The following PBLD variants were observed in gnomAD, a reference collection of about 807,000 sequenced individuals.
PBLD encodes phenazine biosynthesis-like domain-containing protein.
In PBLD, 26 loss-of-function variants were observed where a neutral mutation model predicts 31.3. The ratio of observed to expected loss-of-function variants is 0.83; its 90% CI spans 0.61 to 1.15. The LOEUF is 1.15. Among genes scored for constraint, PBLD ranks in the 50% most tolerant of loss-of-function variants. The pLI is 0.00. For synonymous variants in PBLD, 114 were observed against 129.0 expected, an observed-to-expected ratio of 0.88 and a Z score of 0.79; for missense variants, 307 against 351.7, an observed-to-expected ratio of 0.87 and a Z score of 1.02.
chr10:68,288,192 G>C (rs1053365651), intron 8 of PBLD: 1 of 415,188 alleles, frequency 2.4e-6, no homozygotes, highest in East Asian at 4.5e-5. Flanking sequence ...ATAGAGGAGG[G>C]AACTGAGACT....
At chr10:68,320,978 C>T (rs951482222) in intron 1 of PBLD, among the ~76,000 whole-genome samples, 4 of 152,030 alleles carry the variant, frequency 2.6e-5, no homozygotes, top group East Asian at 3.9e-4. Context: ...CGCACCACCA[C>T]GCCCAGCTAA....
intron 1 of PBLD, among the ~76,000 whole-genome samples, chr10:68,315,648 T>C (rs1343534554): frequency 6.6e-6 from 1 of 151,160 alleles, no homozygotes; most frequent in Non-Finnish European, 1.5e-5. Context: ...TATACATACA[T>C]AGGGCTCTGC....
intron 1 of PBLD, among the ~76,000 whole-genome samples, chr10:68,325,426 G>A (rs2044903217): frequency 6.6e-6 from 1 of 152,062 alleles, no homozygotes; most frequent in African/African-American, 2.4e-5. Context: ...TTAGCCAGGC[G>A]TGGTGGTGTA....
chr10:68,284,813 TAGG>T (rs1421398626), intron 9 of PBLD, among the ~76,000 whole-genome samples: 1 of 152,160 alleles, frequency 6.6e-6, no homozygotes, highest in East Asian at 1.9e-4. Flanking sequence ...GCTCAGTACT[TAGG>T]AGAATAATTA....
chr10:68,318,115 T>C (rs1470855565), intron 1 of PBLD, among the ~76,000 whole-genome samples: 1 of 151,616 alleles, frequency 6.6e-6, no homozygotes, highest in Non-Finnish European at 1.5e-5. Flanking sequence ...TAGTCCCAGC[T>C]ACTTGGGAGG....
rs2044269857 is a variant in PBLD, at chr10:68,285,107, C to A, written c.754+241G>T. 7 of 1,315,622 alleles carry A rather than the reference C, an allele frequency of 5.3e-6. No homozygotes were observed. The South Asian group carries it at 1.7e-4, about 32-fold the overall frequency. The allele number at this position is 1,315,622 out of a possible 1,614,324, so 81.5% of individuals were successfully genotyped here. On this transcript the variant is annotated intron_variant, in intron 9 of 9. Coordinates refer to ENST00000358769, the MANE Select transcript of PBLD (RefSeq NM_022129.4). The stretch of plus-strand genomic sequence containing the variant: ...AAAGTTATACAGCTATTTTATTCAA[C>A]AAACACTTATTGGGCAGTTACTGTA...
At chr10:68,314,508 G>T (rs923689048) in intron 1 of PBLD, among the ~76,000 whole-genome samples, 8 of 152,114 alleles carry the variant, frequency 5.3e-5, no homozygotes, top group Non-Finnish European at 1.2e-4. Context: ...GACAGGATGT[G>T]GTTGAAGTCT....
chr10:68,306,969 C>T, intron 1 of PBLD, 66 bp from the exon 2 acceptor site: 1 of 660,868 alleles, frequency 1.5e-6, no homozygotes. Context: ...GAACAGTTCC[C>T]AGATACAAAG....
chr10:68,330,951 C>A (rs1369430837), intron 1 of PBLD, among the ~76,000 whole-genome samples: 1 of 152,140 alleles, frequency 6.6e-6, no homozygotes, highest in East Asian at 1.9e-4. Flanking sequence ...ACTTCCAGGG[C>A]ACAAGCCATC....
At chr10:68,307,573 C>T (rs2044599213) in intron 1 of PBLD, among the ~76,000 whole-genome samples, 1 of 152,050 alleles carries the variant, frequency 6.6e-6, no homozygotes, top group Admixed American at 6.6e-5. Context: ...GATCTTGGCT[C>T]ACTGCAAGCT....
chr10:68,332,623 C>G (rs1244722288), intron 1 of PBLD, among the ~76,000 whole-genome samples, 161 bp downstream of exon 1: 3 of 152,068 alleles, frequency 2.0e-5, no homozygotes, highest in Non-Finnish European at 4.4e-5. Flanking sequence ...TCAAAGCTCC[C>G]TGGAAGGGAT....
chr10:68,327,514 C>T (rs892421765), intron 1 of PBLD, among the ~76,000 whole-genome samples: 3 of 151,710 alleles, frequency 2.0e-5, no homozygotes, highest in African/African-American at 7.3e-5. Context: ...CCCGTCTCTA[C>T]TAAAAATACA....
intron 6 of PBLD, among the ~76,000 whole-genome samples, chr10:68,290,247 C>T (rs552215834): frequency 7.1e-4 from 108 of 152,264 alleles, no homozygotes; most frequent in African/African-American, 2.4e-3. Context: ...TACTCCAGTT[C>T]CCACATCCAG....
intron 1 of PBLD, among the ~76,000 whole-genome samples, chr10:68,322,027 G>A (rs949557540): frequency 6.6e-6 from 1 of 152,130 alleles, no homozygotes; most frequent in Admixed American, 6.6e-5. Flanking sequence ...AAAGAACAGA[G>A]CATGGAAAGA....
At chr10:68,285,192 G>C in intron 9 of PBLD, 156 bp downstream of exon 9, 1 of 1,480,110 alleles carries the variant, frequency 6.8e-7, no homozygotes, top group Non-Finnish European at 9.0e-7. Flanking sequence ...GTTTGGGGTG[G>C]AGGATCTTTA....
rs1245516970 is a variant in PBLD at position 68,284,006 on chromosome 10, C to CA, written c.*170dup. 2.0e-5 allele frequency: 11 copies of CA among 545,746 alleles called. No homozygotes were observed. The highest frequency in any genetic ancestry group is 3.5e-5 in the Non-Finnish European group (11 of 314,480). 33.8% of individuals were successfully genotyped at this position (545,746 alleles called of 1,614,324 possible). The stretch of plus-strand genomic sequence containing the variant: ...AGGTGATCCACCCACCTTGGCCTCT[C>CA]AAAGTGCTACGATTACAGGCATGAG... On this transcript the variant is annotated 3_prime_UTR_variant, in exon 10 of 10. Transcript: ENST00000358769.
intron 2 of PBLD, among the ~76,000 whole-genome samples, chr10:68,298,829 G>A (rs1337759853): frequency 2.6e-5 from 4 of 151,716 alleles, no homozygotes; most frequent in Non-Finnish European, 5.9e-5. Context: ...GGACCCAGCT[G>A]GGCGTGGTGG....
chr10:68,294,323 A>T (rs763964122), intron 4 of PBLD, among the ~76,000 whole-genome samples: 4 of 151,948 alleles, frequency 2.6e-5, no homozygotes, highest in Non-Finnish European at 5.9e-5. Context: ...TCTATGTCTG[A>T]CCCATGGCCT....
intron 2 of PBLD, among the ~76,000 whole-genome samples, chr10:68,300,494 C>T (rs925899998): frequency 1.3e-5 from 2 of 152,192 alleles, no homozygotes; most frequent in African/African-American, 4.8e-5. Context: ...AGCACGGCAA[C>T]ACAACTAAGG....
Sources: gnomAD v4.1 joint callset for allele counts (sites outside exome capture counted in the v4.1 genomes callset) on GRCh38, gnomAD v4.1.1 for gene constraint, MANE v1.5 for transcripts, NCBI Gene and HGNC (gene_info 2026-07-23, HGNC 2026-07-21) for gene names.